The following DPYSL3 variants were observed in gnomAD, a reference collection of about 807,000 sequenced individuals.
DPYSL3 encodes dihydropyrimidinase like 3.
Under a neutral mutation model 66.1 loss-of-function variants are expected in DPYSL3, and 16 were observed. That is an observed-to-expected ratio of 0.24 (90% CI 0.16 to 0.37). The LOEUF (loss-of-function observed/expected upper bound fraction) is 0.37. Among genes scored for constraint, DPYSL3 ranks in the 10% least tolerant of loss-of-function variants. The pLI is 1.00. For synonymous variants in DPYSL3, 338 were observed against 345.1 expected (o/e 0.98, Z 0.23); for missense variants, 738 against 916.2 (o/e 0.81, Z 2.51).
intron 1 of DPYSL3, among the ~76,000 whole-genome samples, chr5:147,446,453 G>T (rs935508130): frequency 3.3e-5 from 5 of 152,338 alleles, no homozygotes; most frequent in East Asian, 1.9e-4. Flanking sequence ...CCAGAGAAAA[G>T]AAATAGTAAT....
intron 1 of DPYSL3, chr5:147,472,823 C>G (rs1753104093): frequency 1.3e-5 from 2 of 152,124 alleles, no homozygotes; most frequent in African/African-American, 4.8e-5. Flanking sequence ...TAACACCATC[C>G]TATTTACCCT....
intron 1 of DPYSL3, among the ~76,000 whole-genome samples, chr5:147,508,124 G>A (rs1301269888): frequency 6.6e-6 from 1 of 152,130 alleles, no homozygotes; most frequent in Non-Finnish European, 1.5e-5. Flanking sequence ...GGGGAATCAC[G>A]CACTAAAAGG....
chr5:147,477,536 G>A (rs1047113953), intron 1 of DPYSL3, among the ~76,000 whole-genome samples: 32 of 135,278 alleles, frequency 2.4e-4, no homozygotes, highest in African/African-American at 8.5e-4. Flanking sequence ...TGAGTGCAGA[G>A]AAGGAAAAAT....
chr5:147,410,501 C>T (rs2152020200), intron 6 of DPYSL3, among the ~76,000 whole-genome samples: 1 of 152,244 alleles, frequency 6.6e-6, no homozygotes, highest in South Asian at 2.1e-4. Context: ...CCTGTTGTGG[C>T]ATTCATCACA....
At chr5:147,438,903 A>G (rs1271100759) in intron 1 of DPYSL3, among the ~76,000 whole-genome samples, 2 of 152,228 alleles carry the variant, frequency 1.3e-5, no homozygotes, top group Non-Finnish European at 2.9e-5. Context: ...CCAAGTCTTC[A>G]TCTTTCATTT....
chr5:147,418,112 C>G (rs1752006785), intron 3 of DPYSL3, among the ~76,000 whole-genome samples: 1 of 152,210 alleles, frequency 6.6e-6, no homozygotes, highest in Admixed American at 6.5e-5. Flanking sequence ...AATGTTTCAT[C>G]TTCTATCCAT....
chr5:147,442,590 A>C (rs1267035353), intron 1 of DPYSL3, among the ~76,000 whole-genome samples: 1 of 152,218 alleles, frequency 6.6e-6, no homozygotes, highest in African/African-American at 2.4e-5. Context: ...CTAAAAAACA[A>C]CCGACAATAA....
intron 1 of DPYSL3, among the ~76,000 whole-genome samples, chr5:147,472,291 G>A (rs1753097747): frequency 6.6e-6 from 1 of 152,150 alleles, no homozygotes; most frequent in Admixed American, 6.5e-5. Flanking sequence ...AGAAAGAGAT[G>A]GCTAAGTGCT....
intron 8 of DPYSL3, among the ~76,000 whole-genome samples, chr5:147,402,354 C>A (rs6580463): frequency 2.6e-5 from 3 of 115,476 alleles, no homozygotes; most frequent in Admixed American, 8.3e-5. Context: ...TTTTTTTTTT[C>A]TTTTTTTTTT....
intron 1 of DPYSL3, among the ~76,000 whole-genome samples, chr5:147,478,950 C>T (rs1274767530): frequency 6.6e-6 from 1 of 152,132 alleles, no homozygotes; most frequent in Non-Finnish European, 1.5e-5. Flanking sequence ...ATCAGACTTG[C>T]CTTTTGCTCA....
chr5:147,495,224 C>G (rs1175001301), intron 1 of DPYSL3, among the ~76,000 whole-genome samples: 1 of 152,154 alleles, frequency 6.6e-6, no homozygotes, highest in African/African-American at 2.4e-5. Context: ...ATTACTGTCA[C>G]ATTAAAATCT....
intron 1 of DPYSL3, among the ~76,000 whole-genome samples, chr5:147,429,926 C>T (rs1293619990): frequency 2.0e-5 from 3 of 152,160 alleles, no homozygotes; most frequent in Non-Finnish European, 2.9e-5. Context: ...CCTTAATGGC[C>T]TGAATGTGTT....
chr5:147,442,844 C>A (rs1242439666), intron 1 of DPYSL3, among the ~76,000 whole-genome samples: 7 of 148,102 alleles, frequency 4.7e-5, no homozygotes, highest in African/African-American at 5.1e-5. Flanking sequence ...CAAATATAGT[C>A]AAAAAAAAAA....
chr5:147,442,111 T>C (rs779555107), intron 1 of DPYSL3, among the ~76,000 whole-genome samples: 1 of 152,156 alleles, frequency 6.6e-6, no homozygotes, highest in Non-Finnish European at 1.5e-5. Context: ...CGGGAAAAAG[T>C]GCATGATTTC....
intron 1 of DPYSL3, among the ~76,000 whole-genome samples, chr5:147,429,720 C>T (rs1033083564): frequency 4.6e-5 from 7 of 152,098 alleles, no homozygotes; most frequent in African/African-American, 1.7e-4. Context: ...TGGCACATCA[C>T]TGATTTCTCC....
At chr5:147,407,639 A>G (rs1751730731) in intron 7 of DPYSL3, among the ~76,000 whole-genome samples, 1 of 152,216 alleles carries the variant, frequency 6.6e-6, no homozygotes, top group African/African-American at 2.4e-5. Flanking sequence ...CACACAGAGC[A>G]GCGGCAGCGA....
chr5:147,405,236 A>G (rs879587827), intron 8 of DPYSL3, among the ~76,000 whole-genome samples: 2 of 152,230 alleles, frequency 1.3e-5, no homozygotes, highest in Non-Finnish European at 2.9e-5. Flanking sequence ...TGTTTGTTTA[A>G]GCCAGTTTGA....
chr5:147,484,165 C>A (rs771206961), intron 1 of DPYSL3, among the ~76,000 whole-genome samples: 1 of 152,208 alleles, frequency 6.6e-6, no homozygotes, highest in African/African-American at 2.4e-5. Context: ...GTGCTGCTGG[C>A]CACTTCATTT....
chr5:147,438,467 C>A (rs1287593509), intron 1 of DPYSL3, among the ~76,000 whole-genome samples: 1 of 152,172 alleles, frequency 6.6e-6, no homozygotes, highest in Admixed American at 6.5e-5. Flanking sequence ...CAATAAAGAT[C>A]TAAGGCTTTA....
Sources: allele counts gnomAD v4.1 joint callset (sites outside exome capture counted in the v4.1 genomes callset), GRCh38; gene constraint gnomAD v4.1.1; transcripts MANE v1.5; gene names NCBI Gene and HGNC (gene_info 2026-07-23, HGNC 2026-07-21).